ABCA13: variants seen among roughly 807,000 people sequenced by gnomAD.
The protein encoded by ABCA13 is ATP-binding cassette sub-family A member 13.
Under a neutral mutation model 478.7 loss-of-function variants are expected in ABCA13, and 476 were observed. That is an observed-to-expected ratio of 0.99 (90% CI 0.92 to 1.07). The LOEUF (loss-of-function observed/expected upper bound fraction) is 1.07, where lower values mean the gene tolerates loss of function less well. ABCA13 is among the 50% of genes least tolerant of loss of function. The pLI is 0.00. For missense variants in ABCA13, 6,060 were observed against 5,910.6 expected (o/e 1.03, Z -0.83); for synonymous variants, 2,252 against 2,158.9 (o/e 1.04, Z -1.20).
chr7:48,426,009 G>A (rs1361770675), intron 41 of ABCA13, among the ~76,000 whole-genome samples: 5 of 152,114 alleles, frequency 3.3e-5, no homozygotes, highest in African/African-American at 9.7e-5. Flanking sequence ...CCAAAGTGCT[G>A]GGATTACAGG....
Position 48,308,114 on chromosome 7 carries a change from G to C in ABCA13, c.9322-1833G>C, listed in dbSNP as rs1396421753. 2.0e-5 allele frequency among the ~76,000 whole-genome samples: 3 copies of C among 152,126 alleles called. No homozygotes were observed. The East Asian group carries it at 5.8e-4, about 29-fold the overall frequency. Reference sequence around the variant, plus strand: ...TTCTATAAGCTTTTTTCTATTTTAAGTTTTTTTACTTTTAACTTTTAAAAT... The same window carrying C: ...TTCTATAAGCTTTTTTCTATTTTAACTTTTTTTACTTTTAACTTTTAAAAT... On this transcript the variant is annotated intron_variant, in intron 23 of 61. Coordinates refer to ENST00000435803, the MANE Select transcript of ABCA13 (RefSeq NM_152701.5).
chr7:48,488,426 T>C (rs1829542781), intron 47 of ABCA13, among the ~76,000 whole-genome samples: 1 of 152,148 alleles, frequency 6.6e-6, no homozygotes, highest in Admixed American at 6.6e-5. Context: ...GTCCAAAGTT[T>C]GCATAAACTA....
At chr7:48,448,326 G>A (rs1315213364) in intron 42 of ABCA13, among the ~76,000 whole-genome samples, 1 of 152,208 alleles carries the variant, frequency 6.6e-6, no homozygotes, top group Non-Finnish European at 1.5e-5. Flanking sequence ...GAGTTTAGGT[G>A]CCTTGACCAG....
intron 23 of ABCA13, among the ~76,000 whole-genome samples, chr7:48,309,270 A>G (rs537738901): frequency 1.3e-5 from 2 of 152,116 alleles, no homozygotes; most frequent in Admixed American, 6.5e-5. Context: ...GAGCAAAAAC[A>G]TGGAGCAGGA....
chr7:48,580,817 C>CGG (rs1489689052), intron 56 of ABCA13, among the ~76,000 whole-genome samples: 1 of 151,626 alleles, frequency 6.6e-6, no homozygotes, highest in Admixed American at 6.6e-5. Context: ...GATGAGTGGG[C>CGG]GGACAGATTC....
chr7:48,286,438 T>C (rs1797752556), intron 19 of ABCA13, among the ~76,000 whole-genome samples: 1 of 152,160 alleles, frequency 6.6e-6, no homozygotes, highest in African/African-American at 2.4e-5. Context: ...ATATGTAGCC[T>C]TTTCAGATGG....
At chr7:48,286,058 T>C (rs1347859385) in intron 19 of ABCA13, among the ~76,000 whole-genome samples, 1 of 152,238 alleles carries the variant, frequency 6.6e-6, no homozygotes, top group Non-Finnish European at 1.5e-5. Flanking sequence ...AGAGTAGTTT[T>C]AGATTCGCAG....
rs184765772 is a variant in ABCA13, at chr7:48,230,611, A to T, written c.763+656A>T. Among the ~76,000 whole-genome samples the T allele has an allele frequency of 2.0e-5, 3 of 152,016 alleles. No homozygotes were observed. In the East Asian group the frequency reaches 5.8e-4, roughly 29 times the overall value. ...TTCATCTGTCCATCCATCCACCCAC[A>T]CATCCATTCATCCATCCATCCATCT... On this transcript the variant is annotated intron_variant, in intron 7 of 61. Transcript: ENST00000435803.
chr7:48,423,500 T>C (rs1419088023), intron 41 of ABCA13, among the ~76,000 whole-genome samples: 2 of 145,832 alleles, frequency 1.4e-5, no homozygotes, highest in Non-Finnish European at 3.1e-5. Context: ...TCATGCTGCT[T>C]GACAACACCC....
At chr7:48,388,627 C>G (rs1449016070) in intron 36 of ABCA13, among the ~76,000 whole-genome samples, 8 of 152,218 alleles carry the variant, frequency 5.3e-5, no homozygotes, top group Admixed American at 5.2e-4. Flanking sequence ...TCTAAACAAT[C>G]TAAATATTTT....
At chr7:48,282,701 T>C (rs1797211455) in intron 19 of ABCA13, among the ~76,000 whole-genome samples, 1 of 152,202 alleles carries the variant, frequency 6.6e-6, no homozygotes, top group Admixed American at 6.5e-5. Flanking sequence ...GGTTGTTATA[T>C]TATGATTTGT....
chr7:48,273,499 G>GA lies in ABCA13; in HGVS notation c.3834dup (p.Glu1279ArgfsTer8). 3 of 1,598,770 alleles carry GA rather than the reference G, an allele frequency of 1.9e-6. No individual in the cohort carries two copies. The highest frequency in any genetic ancestry group is 2.6e-6 in the Non-Finnish European group (3 of 1,171,230). ...TTTCCATTCAACGAAAGTACAAGCA[G>GA]AGAGTTTTTAAATTCTCTGCTTGAA... On this transcript the variant is annotated frameshift_variant, in exon 17 of 62. Coordinates refer to ENST00000435803, the MANE Select transcript of ABCA13 (RefSeq NM_152701.5). LOFTEE classifies it high-confidence loss of function.
intron 55 of ABCA13, among the ~76,000 whole-genome samples, chr7:48,563,887 T>A (rs1786741925): frequency 1.3e-5 from 2 of 151,958 alleles, no homozygotes; most frequent in South Asian, 4.1e-4. Flanking sequence ...ATTTCTAGCC[T>A]GTGTTTAGCT....
Position 48,450,750 on chromosome 7 carries a change from C to T in ABCA13, c.12566-4287C>T, listed in dbSNP as rs578028536. On this transcript the variant is annotated intron_variant, in intron 42 of 61. Transcript: ENST00000435803. ...CTTGGGTCATATTCCCTCTCCCACT[C>T]ATTTTACTGAGTCACCTTTCATGTT... 4.1e-3 allele frequency among the ~76,000 whole-genome samples: 617 copies of T among 152,186 alleles called. 1 individual carries two copies. Among genetic ancestry groups the T allele is most frequent in the Non-Finnish European group, 6.6e-3 (446 of 67,992 alleles).
intron 15 of ABCA13, among the ~76,000 whole-genome samples, chr7:48,256,598 A>T (rs900154492): frequency 2.0e-5 from 3 of 152,056 alleles, no homozygotes; most frequent in Non-Finnish European, 4.4e-5. Context: ...TCAAAGATCG[A>T]TGGTTTTAGG....
Position 48,296,414 on chromosome 7 carries a change from T to A in ABCA13, c.9119+551T>A, listed in dbSNP as rs192737396. ...GGGCCTGTCTCATAAATTAAATAAA[T>A]AAATGAATAAATTTCTGTTTGAACA... is the stretch of plus-strand genomic sequence containing the variant. On this transcript the variant is annotated intron_variant, in intron 21 of 61. Transcript: ENST00000435803. 2.4e-3 allele frequency among the ~76,000 whole-genome samples: 369 copies of A among 152,106 alleles called. 4 individuals are homozygous for A. The highest frequency in any genetic ancestry group is 4.2e-3 in the Non-Finnish European group (285 of 68,002).
intron 42 of ABCA13, among the ~76,000 whole-genome samples, chr7:48,453,691 G>A (rs34579225): frequency 0.16 from 24,084 of 152,100 alleles, 2,422 homozygotes; most frequent in East Asian, 0.23. Context: ...CTACCTGAAC[G>A]TCCGGGCCGC....
chr7:48,429,034 A>C (rs1204130993), intron 42 of ABCA13, among the ~76,000 whole-genome samples: 4 of 152,220 alleles, frequency 2.6e-5, no homozygotes, highest in African/African-American at 4.8e-5. Context: ...TATACATGGA[A>C]TCATAGTATG....
chr7:48,555,394 G>C (rs1331622922), intron 55 of ABCA13, among the ~76,000 whole-genome samples: 2 of 151,824 alleles, frequency 1.3e-5, no homozygotes, highest in African/African-American at 2.4e-5. Context: ...AGAATAGTTT[G>C]AGTAGGATTG....
Sources: allele counts gnomAD v4.1 joint callset (sites outside exome capture counted in the v4.1 genomes callset), GRCh38; gene constraint gnomAD v4.1.1; transcripts MANE v1.5; gene names NCBI Gene and HGNC (gene_info 2026-07-23, HGNC 2026-07-21).